The following GLIS3 variants were observed in gnomAD, a reference collection of about 807,000 sequenced individuals.
GLIS3 encodes the protein GLIS family zinc finger 3, also known as zinc finger protein GLIS3.
In GLIS3, 53 loss-of-function variants were observed where a neutral mutation model predicts 78.6. That is an observed-to-expected ratio of 0.67 (90% CI 0.54 to 0.85). GLIS3 has a LOEUF of 0.85. GLIS3 is among the 40% of genes least tolerant of loss of function. The pLI, the probability that GLIS3 is intolerant of heterozygous loss-of-function variation, is 0.00. For missense variants in GLIS3, 1,703 were observed against 1,231.1 expected (o/e 1.38, Z -5.74); for synonymous variants, 684 against 509.9 (o/e 1.34, Z -4.60).
intron 4 of GLIS3, among the ~76,000 whole-genome samples, chr9:4,113,966 T>C (rs1831423993): frequency 6.6e-6 from 1 of 152,106 alleles, no homozygotes; most frequent in Non-Finnish European, 1.5e-5. Context: ...ACAATTCCTT[T>C]TTGCCATTGG....
intron 4 of GLIS3, among the ~76,000 whole-genome samples, chr9:4,106,989 G>A (rs1177288995): frequency 3.3e-5 from 5 of 152,052 alleles, no homozygotes; most frequent in Non-Finnish European, 4.4e-5. Context: ...GTGATTGTAT[G>A]GCAATGGAAT....
rs548464697 is a variant in GLIS3 at position 4,207,454 on chromosome 9, T to C, written c.388+78584A>G. On this transcript the variant is annotated intron_variant, in intron 2 of 10. Coordinates refer to ENST00000381971, the MANE Select transcript of GLIS3 (RefSeq NM_001042413.2). ...ATGTGTATTTTTTTCATTATGCCTT[T>C]ACCTCAAAATGATGCTTATGGAGCA... Among the ~76,000 whole-genome samples, 210 of 152,340 alleles carry C rather than the reference T, an allele frequency of 1.4e-3. 1 individual carries two copies. Among genetic ancestry groups the C allele is most frequent in the African/African-American group, 4.4e-3 (184 of 41,584 alleles).
At position 3,963,560 on chromosome 9, in the gene GLIS3, T is replaced by G. The variant is rs541948971; in HGVS notation, c.1711-26371A>C. On this transcript the variant is annotated intron_variant, in intron 4 of 10. Transcript: ENST00000381971. ...ACTCAGCCAGAGTAAAAGTCAGCTC[T>G]GTGCACGGGGACCATCCTCTAATGC... Among the ~76,000 whole-genome samples, 11 of 152,338 alleles carry G rather than the reference T, an allele frequency of 7.2e-5. No individual in the cohort carries two copies. The South Asian group carries it at 2.3e-3, about 32-fold the overall frequency.
chr9:3,831,833 T>TC (rs1320438432), intron 9 of GLIS3, among the ~76,000 whole-genome samples: 1 of 152,176 alleles, frequency 6.6e-6, no homozygotes, highest in Non-Finnish European at 1.5e-5. Flanking sequence ...GAAAGACCAT[T>TC]ATAAGGTTCA....
At position 4,135,504 on chromosome 9, in the gene GLIS3, G is replaced by A. The variant is rs571257984; in HGVS notation, c.389-9563C>T. ...ATCGAACTATGACTGTTTTGACAAA[G>A]AATAATGTCTCTAAGCATTATTACT... On this transcript the variant is annotated intron_variant, in intron 2 of 10. Transcript: ENST00000381971. Among the ~76,000 whole-genome samples the A allele has an allele frequency of 4.2e-4, 64 of 152,132 alleles. 2 individuals carry two copies. The highest frequency in any genetic ancestry group is 5.2e-4 in the Admixed American group (8 of 15,278).
the GLIS3 span, among the ~76,000 whole-genome samples, chr9:4,395,187 T>A: frequency 6.5e-4 from 99 of 152,200 alleles, 2 homozygotes; most frequent in Non-Finnish European, 1.2e-4. Context: ...ATTTAAGTCT[T>A]AGTAATTCAG....
At chr9:4,218,452 G>C (rs1347034748) in intron 2 of GLIS3, among the ~76,000 whole-genome samples, 5 of 152,134 alleles carry the variant, frequency 3.3e-5, no homozygotes, top group South Asian at 2.1e-4. Context: ...CTAATTTTTT[G>C]TATTTTTAGT....
intron 6 of GLIS3, among the ~76,000 whole-genome samples, chr9:3,922,301 T>C (rs1270179636): frequency 6.6e-6 from 1 of 152,138 alleles, no homozygotes; most frequent in Non-Finnish European, 1.5e-5. Flanking sequence ...CATAATATGA[T>C]TGCATATGAC....
intron 2 of GLIS3, among the ~76,000 whole-genome samples, chr9:4,204,014 C>G (rs922596613): frequency 6.6e-6 from 1 of 152,060 alleles, no homozygotes; most frequent in African/African-American, 2.4e-5. Context: ...TGCTAGGTAC[C>G]TGCGTTAACA....
chr9:4,106,240 G>A (rs992731080), intron 4 of GLIS3, among the ~76,000 whole-genome samples: 3 of 152,182 alleles, frequency 2.0e-5, no homozygotes, highest in Non-Finnish European at 4.4e-5. Flanking sequence ...GTGTTTCAGA[G>A]AACAGGTAGA....
Position 4,053,705 on chromosome 9 carries a change from T to TAAAAAAAAAAAAAAAAAAAA in GLIS3, c.1710+64062_1710+64063insTTTTTTTTTTTTTTTTTTTT, listed in dbSNP as rs760535978. On this transcript the variant is annotated intron_variant, in intron 4 of 10. Transcript: ENST00000381971. The stretch of plus-strand genomic sequence containing the variant: ...AGTGCCTACTTGTTTTCTTTCTTCA[T>TAAAAAAAAAAAAAAAAAAAA]AAAAAAAAAAAAAAAAAATTCTGGA... Among the ~76,000 whole-genome samples the TAAAAAAAAAAAAAAAAAAAA allele has an allele frequency of 3.0e-4, 27 of 91,134 alleles. 1 individual carries two copies. The highest frequency in any genetic ancestry group is 7.8e-4 in the African/African-American group (22 of 28,064). The allele number at this position is 91,134 out of a possible 152,430, so 59.8% of individuals were successfully genotyped here. A position where few individuals can be genotyped will look rare whatever the true frequency, so the allele number is the denominator to read the frequency against.
At chr9:4,394,581 C>G in the GLIS3 span, among the ~76,000 whole-genome samples, 2 of 152,102 alleles carry the variant, frequency 1.3e-5, no homozygotes, top group Non-Finnish European at 2.9e-5. Context: ...ACCTGTAAGT[C>G]AGGTTAAGTA....
At chr9:4,359,614 T>TA in the GLIS3 span, among the ~76,000 whole-genome samples, 2 of 152,224 alleles carry the variant, frequency 1.3e-5, no homozygotes, top group South Asian at 4.1e-4. Context: ...AACTTGGGAG[T>TA]ATACAGTACC....
intron 2 of GLIS3, among the ~76,000 whole-genome samples, chr9:4,198,272 G>T (rs1819048876): frequency 6.6e-6 from 1 of 152,016 alleles, no homozygotes; most frequent in Non-Finnish European, 1.5e-5. Flanking sequence ...AGGCAATCCA[G>T]GAAATGAAAG....
chr9:4,317,608 A>G (rs537082275), intron 2 of GLIS3, among the ~76,000 whole-genome samples: 7 of 152,388 alleles, frequency 4.6e-5, no homozygotes, highest in Admixed American at 3.9e-4. Context: ...ATCCTTTTAT[A>G]TGATACCTAT....
intron 2 of GLIS3, among the ~76,000 whole-genome samples, chr9:4,210,103 T>C (rs1271651148): frequency 1.3e-5 from 2 of 152,220 alleles, no homozygotes; most frequent in African/African-American, 4.8e-5. Context: ...ATTGAGTATT[T>C]ACTGAATAAA....
chr9:3,934,439 G>A (rs553715328), intron 5 of GLIS3, among the ~76,000 whole-genome samples: 11 of 145,906 alleles, frequency 7.5e-5, no homozygotes, highest in East Asian at 4.0e-4. Context: ...AGATGGAGTC[G>A]CAATCTGTTG....
intron 4 of GLIS3, among the ~76,000 whole-genome samples, chr9:4,088,474 C>T (rs1259888857): frequency 6.6e-6 from 1 of 152,194 alleles, no homozygotes; most frequent in Non-Finnish European, 1.5e-5. Context: ...CCTTATTTTC[C>T]TTATCTTAAA....
chr9:4,338,883 T>C lies in GLIS3; in HGVS notation n.264+8198A>G, dbSNP rs549091968. Among the ~76,000 whole-genome samples, 28 of 152,280 alleles carry C rather than the reference T, an allele frequency of 1.8e-4. No individual in the cohort carries two copies. In the South Asian group the frequency reaches 4.6e-3, roughly 25 times the overall value. ...TATGTGCCTGAGTCTTGGGATTTTTTTTAAAGCTCCCCAAGTGATTCCATT... is the reference window on the plus strand; with the variant it reads ...TATGTGCCTGAGTCTTGGGATTTTTCTTAAAGCTCCCCAAGTGATTCCATT... On this transcript the variant is annotated intron_variant and non_coding_transcript_variant, in intron 2 of 4. Transcript: ENST00000471664.
Sources: allele counts gnomAD v4.1 joint callset (sites outside exome capture counted in the v4.1 genomes callset), GRCh38; gene constraint gnomAD v4.1.1; transcripts MANE v1.5; gene names NCBI Gene and HGNC (gene_info 2026-07-23, HGNC 2026-07-21).